Variants in MBD5 observed in about 807,000 individuals in gnomAD.
MBD5 encodes the protein methyl-CpG-binding domain protein 5.
MBD5 carries 13 observed loss-of-function variants against 117.3 expected under a neutral mutation model. That is an observed-to-expected ratio of 0.11 (90% CI 0.07 to 0.18). The LOEUF (loss-of-function observed/expected upper bound fraction) is 0.18, where lower values mean the gene tolerates loss of function less well. Ranked by LOEUF, MBD5 falls within the 10% of genes least tolerant of loss-of-function variation. MBD5 has a pLI of 1.00. For missense variants in MBD5, 1,879 were observed against 2,093.8 expected, an observed-to-expected ratio of 0.90 and a Z score of 2.00; for synonymous variants, 727 against 766.4, an observed-to-expected ratio of 0.95 and a Z score of 0.85.
At chr2:148,201,826 C>T (rs1410912957) in intron 2 of MBD5, among the ~76,000 whole-genome samples, 3 of 152,000 alleles carry the variant, frequency 2.0e-5, no homozygotes, top group South Asian at 4.2e-4. Context: ...GGAGTGTGTG[C>T]TGATTGGTTT....
At chr2:148,318,642 A>T (rs996614324) in intron 3 of MBD5, among the ~76,000 whole-genome samples, 13 of 151,982 alleles carry the variant, frequency 8.6e-5, no homozygotes, top group Admixed American at 8.5e-4. Context: ...GTATATGGTG[A>T]TATACAAAAA....
At chr2:148,503,845 A>G (rs1164156319) in intron 12 of MBD5, among the ~76,000 whole-genome samples, 2 of 152,210 alleles carry the variant, frequency 1.3e-5, no homozygotes. Flanking sequence ...GAAAATTGCA[A>G]ATTACCTACA....
chr2:148,470,227 C>G lies in MBD5; in HGVS notation c.2284C>G (p.His762Asp). The G allele has an allele frequency of 1.2e-6, 2 of 1,613,936 alleles. No homozygotes were observed. The highest frequency in any genetic ancestry group is 1.7e-6 in the Non-Finnish European group (2 of 1,179,888). ...TTTAAGAGGGGAAGCCGTGCACTGC[C>G]ACAATGCAAACACTAACTTTGTTCA... is the stretch of plus-strand genomic sequence containing the variant. Reference protein sequence around the residue: ...IPLRGEAVHCHNANTNFVHSN... With the variant: ...IPLRGEAVHCDNANTNFVHSN... Residue 762 changes from histidine to aspartate, a missense_variant, in exon 8 of 14, where the codon CAC becomes GAC. Transcript: ENST00000642680.
intron 8 of MBD5, among the ~76,000 whole-genome samples, chr2:148,478,088 G>T: frequency 6.6e-6 from 1 of 152,028 alleles, no homozygotes; most frequent in Admixed American, 6.6e-5. Context: ...ACAATGACCA[G>T]GAAGAAGAGA....
chr2:148,511,464 T>A (rs1487200034), intron 13 of MBD5, among the ~76,000 whole-genome samples: 1 of 152,262 alleles, frequency 6.6e-6, no homozygotes, highest in Non-Finnish European at 1.5e-5. Context: ...ATGTGCTCTC[T>A]CCAGAAGGCA....
intron 2 of MBD5, among the ~76,000 whole-genome samples, chr2:148,228,586 T>A (rs1169119698): frequency 6.6e-6 from 1 of 152,230 alleles, no homozygotes; most frequent in Non-Finnish European, 1.5e-5. Flanking sequence ...TTGCTGTGTC[T>A]CTGCCAGGCT....
At chr2:148,233,860 A>G (rs775099523) in intron 3 of MBD5, among the ~76,000 whole-genome samples, 1 of 152,168 alleles carries the variant, frequency 6.6e-6, no homozygotes, top group Non-Finnish European at 1.5e-5. Context: ...CAACTAATCT[A>G]CAGTGCTCCA....
chr2:148,349,873 G>T (rs1339362124), intron 4 of MBD5, among the ~76,000 whole-genome samples: 1 of 151,714 alleles, frequency 6.6e-6, no homozygotes, highest in East Asian at 1.9e-4. Context: ...GTGATTTTGG[G>T]GTTACAATTT....
intron 2 of MBD5, among the ~76,000 whole-genome samples, chr2:148,231,509 G>A (rs938793079): frequency 6.6e-6 from 1 of 151,958 alleles, no homozygotes; most frequent in African/African-American, 2.4e-5. Flanking sequence ...GCCAGGTACT[G>A]TGAGTGCTCA....
chr2:148,026,719 T>A (rs1317137166), intron 1 of MBD5: 1 of 152,198 alleles, frequency 6.6e-6, no homozygotes, highest in Non-Finnish European at 1.5e-5. Context: ...GGCTAGTAGT[T>A]CAGGGTCAGC....
At chr2:148,219,020 A>G (rs1699622132) in intron 2 of MBD5, among the ~76,000 whole-genome samples, 1 of 152,202 alleles carries the variant, frequency 6.6e-6, no homozygotes, top group African/African-American at 2.4e-5. Flanking sequence ...TTACTTTATA[A>G]ACTTTAAATT....
Position 148,125,817 on chromosome 2 carries a change from A to G in MBD5, c.-924-52883A>G, listed in dbSNP as rs557048776. ...GCTATGGCTGCCACTTAATAGGTCA[A>G]TAAATATTGAAAGAATGAATAATGC... is the stretch of plus-strand genomic sequence containing the variant. On this transcript the variant is annotated intron_variant, in intron 1 of 13. Coordinates refer to ENST00000642680, the MANE Select transcript of MBD5 (RefSeq NM_001378120.1). 2.0e-5 allele frequency among the ~76,000 whole-genome samples: 3 copies of G among 152,360 alleles called. No individual in the cohort carries two copies. In the East Asian group the frequency reaches 5.8e-4, roughly 29 times the overall value.
At chr2:148,173,004 C>T (rs1418833811) in intron 1 of MBD5, among the ~76,000 whole-genome samples, 1 of 152,158 alleles carries the variant, frequency 6.6e-6, no homozygotes, top group Non-Finnish European at 1.5e-5. Flanking sequence ...AGTGAAGCTC[C>T]TCTCTGCCTG....
chr2:148,393,741 T>G (rs1704628508), intron 4 of MBD5, among the ~76,000 whole-genome samples: 1 of 152,168 alleles, frequency 6.6e-6, no homozygotes, highest in African/African-American at 2.4e-5. Flanking sequence ...GTTTCTAGTT[T>G]ACCAACTTTG....
intron 1 of MBD5, among the ~76,000 whole-genome samples, chr2:148,139,498 C>T (rs6711686): frequency 0.42 from 63,306 of 152,000 alleles, 13,387 homozygotes; most frequent in Middle Eastern, 0.54. Flanking sequence ...AGGCGTGAGC[C>T]ACTGTGCCCG....
intron 1 of MBD5, among the ~76,000 whole-genome samples, chr2:148,043,452 C>CAAATAAATAAATAAATAAATAAATAAAT (rs137863555): frequency 7.7e-5 from 11 of 142,928 alleles, no homozygotes; most frequent in East Asian, 2.1e-4. Context: ...GACTCCTTCT[C>CAAATAAATAAATAAATAAATAAATAAAT]AAATAAATAA....
chr2:148,033,239 G>C (rs1426279988), intron 1 of MBD5, among the ~76,000 whole-genome samples: 1 of 152,122 alleles, frequency 6.6e-6, no homozygotes, highest in African/African-American at 2.4e-5. Context: ...AAGAAATGCA[G>C]AGCTACCAAA....
chr2:148,505,865 A>G (rs1477141878), intron 12 of MBD5, among the ~76,000 whole-genome samples: 1 of 152,192 alleles, frequency 6.6e-6, no homozygotes, highest in Admixed American at 6.5e-5. Flanking sequence ...TCCTGTTTCT[A>G]CCACTTCATA....
At chr2:148,389,519 T>C (rs902801918) in intron 4 of MBD5, among the ~76,000 whole-genome samples, 1 of 151,630 alleles carries the variant, frequency 6.6e-6, no homozygotes, top group African/African-American at 2.4e-5. Context: ...TCATTTTCTA[T>C]AGGAATTGAA....
Sources: allele counts gnomAD v4.1 joint callset (sites outside exome capture counted in the v4.1 genomes callset), GRCh38; gene constraint gnomAD v4.1.1; transcripts MANE v1.5; gene names NCBI Gene and HGNC (gene_info 2026-07-23, HGNC 2026-07-21).